The following PIK3C2G variants were observed in gnomAD, a reference collection of about 807,000 sequenced individuals.
PIK3C2G encodes phosphatidylinositol 3-kinase C2 domain-containing subunit gamma.
PIK3C2G carries 168 observed loss-of-function variants against 181.1 expected under a neutral mutation model. The observed-to-expected ratio is 0.93, with a 90% CI of 0.82 to 1.05. The LOEUF (loss-of-function observed/expected upper bound fraction) is 1.05, where lower values mean the gene tolerates loss of function less well. Ranked by LOEUF, PIK3C2G falls within the 50% of genes least tolerant of loss-of-function variation. The pLI is 0.00. For synonymous variants in PIK3C2G, 573 were observed against 592.2 expected, an observed-to-expected ratio of 0.97 and a Z score of 0.47; for missense variants, 1,869 against 1,732.8, an observed-to-expected ratio of 1.08 and a Z score of -1.40.
intron 14 of PIK3C2G, among the ~76,000 whole-genome samples, chr12:18,387,663 C>T (rs1943262391): frequency 1.3e-5 from 2 of 152,132 alleles, no homozygotes; most frequent in Admixed American, 6.6e-5. Flanking sequence ...AAGTGCCCTT[C>T]TTCTATGTTC....
At chr12:18,531,921 T>G (rs891533279) in intron 24 of PIK3C2G, among the ~76,000 whole-genome samples, 8 of 152,128 alleles carry the variant, frequency 5.3e-5, no homozygotes, top group African/African-American at 1.9e-4. Context: ...GTATGGTAGT[T>G]GTATCTTGTT....
chr12:18,436,324 C>T (rs1223701387), intron 18 of PIK3C2G, among the ~76,000 whole-genome samples: 1 of 152,046 alleles, frequency 6.6e-6, no homozygotes, highest in African/African-American at 2.4e-5. Context: ...AGAATTGGGT[C>T]CCTTATCATG....
chr12:18,447,121 TAAG>T (rs200919890), intron 18 of PIK3C2G, among the ~76,000 whole-genome samples: 1,654 of 152,326 alleles, frequency 0.011, 14 homozygotes, highest in Middle Eastern at 0.044. Context: ...ATGATTAATA[TAAG>T]AATAGTCATG....
chr12:18,723,310 C>A, the PIK3C2G span: 1 of 1,607,330 alleles, frequency 6.2e-7, no homozygotes, highest in Non-Finnish European at 8.5e-7. Flanking sequence ...TGCAAACATA[C>A]CTTCTTCGAT....
intron 9 of PIK3C2G, 113 bp downstream of exon 9, chr12:18,338,661 A>C (rs867884709): frequency 2.2e-5 from 12 of 544,906 alleles, no homozygotes; most frequent in Admixed American, 1.5e-4. Context: ...GTTTGTGTGT[A>C]TCTGTGTGTG....
At chr12:18,503,539 C>A in intron 23 of PIK3C2G, 122 bp downstream of exon 23, 1 of 594,990 alleles carries the variant, frequency 1.7e-6, no homozygotes, top group Non-Finnish European at 2.7e-6. Context: ...TTCAATCAGC[C>A]CAGTAATTAA....
intron 16 of PIK3C2G, among the ~76,000 whole-genome samples, chr12:18,413,556 A>G (rs1363847885): frequency 6.6e-6 from 1 of 152,080 alleles, no homozygotes; most frequent in East Asian, 1.9e-4. Flanking sequence ...CATTTGTTAC[A>G]TTGTAATAAT....
chr12:18,656,418 T>C, the PIK3C2G span, among the ~76,000 whole-genome samples: 6 of 152,080 alleles, frequency 3.9e-5, no homozygotes, highest in East Asian at 1.2e-3. Flanking sequence ...ATACAAAAAT[T>C]AGCTGGGCAT....
chr12:18,538,552 T>A (rs1943987738), intron 25 of PIK3C2G, among the ~76,000 whole-genome samples: 1 of 152,006 alleles, frequency 6.6e-6, no homozygotes, highest in South Asian at 2.1e-4. Flanking sequence ...AGGTAGGGGT[T>A]ATCCCACTAT....
chr12:18,468,457 C>T (rs1032728561), intron 18 of PIK3C2G, among the ~76,000 whole-genome samples: 25 of 152,148 alleles, frequency 1.6e-4, no homozygotes, highest in Non-Finnish European at 2.2e-4. Context: ...TTCTTGCCTA[C>T]GGAATCATCT....
intron 1 of PIK3C2G, among the ~76,000 whole-genome samples, chr12:18,274,433 G>T (rs139746153): frequency 0.018 from 2,721 of 152,286 alleles, 80 homozygotes; most frequent in African/African-American, 0.062. Context: ...ACTGGATTAA[G>T]AAAATGTGGC....
the PIK3C2G span, among the ~76,000 whole-genome samples, chr12:18,725,535 C>G: frequency 4.6e-5 from 7 of 152,050 alleles, no homozygotes; most frequent in East Asian, 1.4e-3. Flanking sequence ...ATGCAGAAAT[C>G]AATTCTGTAA....
intron 1 of PIK3C2G, among the ~76,000 whole-genome samples, chr12:18,262,560 T>C (rs1333420382): frequency 6.6e-6 from 1 of 151,218 alleles, no homozygotes; most frequent in Admixed American, 6.6e-5. Flanking sequence ...AGTTTGTGAA[T>C]TGAGCATAAG....
chr12:18,613,275 ACT>A (rs1948435394), intron 31 of PIK3C2G, among the ~76,000 whole-genome samples: 1 of 151,790 alleles, frequency 6.6e-6, no homozygotes, highest in African/African-American at 2.4e-5. Flanking sequence ...ATAGGATGAA[ACT>A]CTCTTCTGAT....
chr12:18,331,850 G>A lies in PIK3C2G; in HGVS notation c.1273-6576G>A, dbSNP rs1355028537. 5.3e-5 allele frequency among the ~76,000 whole-genome samples: 8 copies of A among 152,092 alleles called. No homozygotes were observed. The East Asian group carries it at 1.5e-3, about 29-fold the overall frequency. On this transcript the variant is annotated intron_variant, in intron 8 of 32. Transcript: ENST00000538779. ...TGGGTTGAAAAAGCTTCCTTCTATAGTTTACTAAGAGCTTATTTCTTGAAT... is the reference window on the plus strand; with the variant it reads ...TGGGTTGAAAAAGCTTCCTTCTATAATTTACTAAGAGCTTATTTCTTGAAT...
At chr12:18,612,796 CTGTTA>C (rs1203484026) in intron 31 of PIK3C2G, among the ~76,000 whole-genome samples, 1 of 152,038 alleles carries the variant, frequency 6.6e-6, no homozygotes, top group Non-Finnish European at 1.5e-5. Context: ...GCCTAGAGTT[CTGTTA>C]TGTTTAATGT....
At chr12:18,460,546 C>G (rs944324941) in intron 18 of PIK3C2G, among the ~76,000 whole-genome samples, 1 of 150,296 alleles carries the variant, frequency 6.7e-6, no homozygotes, top group African/African-American at 2.5e-5. Context: ...TGCACTCCAG[C>G]CTGGGTGACA....
chr12:18,716,709 A>T, the PIK3C2G span, among the ~76,000 whole-genome samples: 6 of 152,186 alleles, frequency 3.9e-5, no homozygotes, highest in African/African-American at 1.4e-4. Context: ...ACTTTATTTC[A>T]TCTATTTATC....
intron 15 of PIK3C2G, among the ~76,000 whole-genome samples, chr12:18,395,084 C>CTTCTTTCTTTCTTTCT (rs1211076005): frequency 7.2e-4 from 102 of 141,578 alleles, no homozygotes; most frequent in African/African-American, 1.6e-3. Flanking sequence ...TCTTTCATTC[C>CTTCTTTCTTTCTTTCT]TTCTTTCTTT....
Sources: gnomAD v4.1 joint callset for allele counts (sites outside exome capture counted in the v4.1 genomes callset) on GRCh38, gnomAD v4.1.1 for gene constraint, MANE v1.5 for transcripts, NCBI Gene and HGNC (gene_info 2026-07-23, HGNC 2026-07-21) for gene names.